The following MYO7A variants were observed in gnomAD, a reference collection of about 807,000 sequenced individuals.
The protein encoded by MYO7A is myosin VIIA.
In MYO7A, 210 loss-of-function variants were observed where a neutral mutation model predicts 263.8. The observed-to-expected ratio is 0.80, with a 90% CI of 0.71 to 0.89. The LOEUF (loss-of-function observed/expected upper bound fraction) is 0.89. Among genes scored for constraint, MYO7A ranks in the 40% least tolerant of loss-of-function variants. MYO7A has a pLI of 0.00. For synonymous variants in MYO7A, 1,239 were observed against 1,197.3 expected, an observed-to-expected ratio of 1.03 and a Z score of -0.72; for missense variants, 2,820 against 2,968.3, an observed-to-expected ratio of 0.95 and a Z score of 1.16.
chr11:77,193,120 T>TGG, intron 31 of MYO7A, among the ~76,000 whole-genome samples: 2 of 114,136 alleles, frequency 1.8e-5, no homozygotes, highest in African/African-American at 3.9e-5. Context: ...TTGGTGATGG[T>TGG]GGAGGTAGCG....
At chr11:77,182,262 G>T (rs1332430584) in intron 24 of MYO7A, 108 bp downstream of exon 24, 6 of 1,455,286 alleles carry the variant, frequency 4.1e-6, no homozygotes, top group Admixed American at 1.9e-5. Context: ...GTCCCTGGGG[G>T]CCAGGGACCA....
At chr11:77,197,254 G>A (rs146652377) in intron 32 of MYO7A, among the ~76,000 whole-genome samples, 31 of 152,296 alleles carry the variant, frequency 2.0e-4, no homozygotes, top group African/African-American at 7.2e-4. Flanking sequence ...CTGACTTTGG[G>A]CCCCAGCACC....
chr11:77,162,237 C>T lies in MYO7A; in HGVS notation c.1461C>T (p.Ile487=), dbSNP rs782195221. Residue 487 remains isoleucine (I), a synonymous_variant, in exon 13 of 49, where the codon ATC becomes ATT. Transcript: ENST00000409709. ...TGGAGAGCATTGACTGGCTGCACAT[C>T]GAGTTCACTGACAACCAGGATGCCC... The part of the protein sequence containing the change: ...YDLESIDWLH[I]EFTDNQDALD... The T allele has an allele frequency of 2.7e-5, 43 of 1,569,336 alleles. No homozygotes were observed. The East Asian group carries it at 8.2e-4, about 30-fold the overall frequency.
rs115141160 is a variant in MYO7A, at chr11:77,207,677, C to T, written c.5856+275C>T. 6.1e-3 allele frequency among the ~76,000 whole-genome samples: 931 copies of T among 152,342 alleles called. 8 individuals are homozygous for T. Among genetic ancestry groups the T allele is most frequent in the African/African-American group, 0.022 (899 of 41,578 alleles). On this transcript the variant is annotated intron_variant, in intron 42 of 48. Transcript: ENST00000409709. ...ACCAGACCCTCACCCTGCCCCAACA[C>T]ACATGTTCTTTCCATATTTGCTTTG...
At chr11:77,179,253 C>T (rs2135466447) in intron 20 of MYO7A, 124 bp downstream of exon 20, 2 of 778,908 alleles carry the variant, frequency 2.6e-6, no homozygotes, top group Non-Finnish European at 4.1e-6. Flanking sequence ...CTGCCACTGC[C>T]CTGGCCAGCC....
chr11:77,197,277 G>GCGCT (rs1956730958), intron 32 of MYO7A, among the ~76,000 whole-genome samples: 1 of 152,184 alleles, frequency 6.6e-6, no homozygotes, highest in Admixed American at 6.5e-5. Flanking sequence ...CATAGAGCTG[G>GCGCT]CACTCAAAAG....
At chr11:77,181,668 C>T (rs2135488624) in intron 23 of MYO7A, 79 bp downstream of exon 23, 2 of 1,386,868 alleles carry the variant, frequency 1.4e-6, no homozygotes, top group East Asian at 4.8e-5. Context: ...TGCCCTTGGC[C>T]TTAAAGCCCA....
At chr11:77,210,456 G>A (rs1276628282) in intron 44 of MYO7A, among the ~76,000 whole-genome samples, 1 of 152,162 alleles carries the variant, frequency 6.6e-6, no homozygotes. Flanking sequence ...GGAGGTAGAT[G>A]TGTAGGTAGA....
intron 2 of MYO7A, among the ~76,000 whole-genome samples, chr11:77,137,931 C>T (rs1421469339): frequency 2.0e-5 from 3 of 152,198 alleles, no homozygotes; most frequent in Admixed American, 6.5e-5. Context: ...TTAAAAACCC[C>T]GGGAGTTTAC....
intron 16 of MYO7A, 149 bp downstream of exon 16, chr11:77,173,034 C>T: frequency 2.4e-6 from 3 of 1,229,836 alleles, no homozygotes; most frequent in Non-Finnish European, 3.3e-6. Context: ...AAACAAGGCC[C>T]CCTATTTATT....
At chr11:77,213,604 G>A (rs560768322) in intron 47 of MYO7A, among the ~76,000 whole-genome samples, 26 of 152,102 alleles carry the variant, frequency 1.7e-4, no homozygotes, top group Non-Finnish European at 2.2e-4. Context: ...TCAGGCCACG[G>A]TGTCAGTTCC....
chr11:77,142,419 A>C, intron 2 of MYO7A: 3 of 229,806 alleles, frequency 1.3e-5, no homozygotes, highest in South Asian at 5.6e-5. Flanking sequence ...GTGTAGATCC[A>C]TGGGGAGAGC....
intron 14 of MYO7A, among the ~76,000 whole-genome samples, chr11:77,164,311 C>T (rs1318129743): frequency 6.6e-6 from 1 of 151,392 alleles, no homozygotes; most frequent in African/African-American, 2.4e-5. Flanking sequence ...CTGTGTCTAC[C>T]CTGAGCCCTG....
intron 25 of MYO7A, 21 bp downstream of exon 25, chr11:77,182,621 G>A: frequency 6.2e-7 from 1 of 1,612,236 alleles, no homozygotes; most frequent in Non-Finnish European, 8.5e-7. Context: ...GGTGCCCTCT[G>A]GATGATGTCC....
intron 4 of MYO7A, among the ~76,000 whole-genome samples, chr11:77,151,394 TGG>T (rs1232835365): frequency 2.0e-5 from 3 of 152,208 alleles, no homozygotes; most frequent in Non-Finnish European, 4.4e-5. Context: ...GGCACCTTTG[TGG>T]CTGTAGGAAG....
Position 77,182,222 on chromosome 11 carries a change from G to A in MYO7A, c.3108+68G>A. On this transcript the variant is annotated intron_variant, in intron 24 of 48. Coordinates refer to ENST00000409709, the MANE Select transcript of MYO7A (RefSeq NM_000260.4). ...GGCTGGGGCTATGGACTCTGCTGCT[G>A]GTGGTGGCCGTAGGTGATGAGGGTG... The A allele has an allele frequency of 2.5e-6, 4 of 1,579,996 alleles. No homozygotes were observed. In the South Asian group the frequency reaches 4.5e-5, roughly 18 times the overall value.
chr11:77,181,309 G>A (rs1955161585), intron 22 of MYO7A, 71 bp from the exon 23 acceptor site: 1 of 1,405,324 alleles, frequency 7.1e-7, no homozygotes, highest in South Asian at 1.4e-5. Flanking sequence ...GCTCCCCAGG[G>A]AGAGCTTGTT....
chr11:77,189,214 C>T, intron 27 of MYO7A, 130 bp from the exon 28 acceptor site: 1 of 1,344,126 alleles, frequency 7.4e-7, no homozygotes, highest in South Asian at 1.4e-5. Context: ...CTCACTCTGC[C>T]TCCTCCCGGG....
At chr11:77,213,382 C>T (rs546898973) in intron 47 of MYO7A, among the ~76,000 whole-genome samples, 2 of 152,372 alleles carry the variant, frequency 1.3e-5, no homozygotes, top group South Asian at 4.1e-4. Context: ...CCCAGCTGCA[C>T]ACCCAGAGGG....
Sources: gnomAD v4.1 joint callset for allele counts (sites outside exome capture counted in the v4.1 genomes callset) on GRCh38, gnomAD v4.1.1 for gene constraint, MANE v1.5 for transcripts, NCBI Gene and HGNC (gene_info 2026-07-23, HGNC 2026-07-21) for gene names.